Variants in KCND2 observed in about 807,000 individuals in gnomAD.
KCND2 encodes potassium voltage-gated channel subfamily D member 2, also known as A-type voltage-gated potassium channel KCND2.
KCND2 carries 16 observed loss-of-function variants against 54.4 expected under a neutral mutation model. That is an observed-to-expected ratio of 0.29 (90% CI 0.20 to 0.45). KCND2 has a LOEUF of 0.45. Ranked by LOEUF, KCND2 falls within the 20% of genes least tolerant of loss-of-function variation. The pLI, the probability that KCND2 is intolerant of heterozygous loss-of-function variation, is 1.00. For synonymous variants in KCND2, 317 were observed against 310.7 expected, an observed-to-expected ratio of 1.02 and a Z score of -0.21; for missense variants, 486 against 824.2, an observed-to-expected ratio of 0.59 and a Z score of 5.02.
intron 1 of KCND2, among the ~76,000 whole-genome samples, chr7:120,646,577 A>G (rs1793444936): frequency 6.6e-6 from 1 of 152,252 alleles, no homozygotes. Flanking sequence ...ACATGCAGTG[A>G]AAAGGTTTTT....
chr7:120,641,798 A>C (rs1239637677), intron 1 of KCND2, among the ~76,000 whole-genome samples: 18 of 138,596 alleles, frequency 1.3e-4, no homozygotes, highest in Non-Finnish European at 2.5e-4. Context: ...AAATCCAATT[A>C]TAAAAAATTT....
intron 1 of KCND2, among the ~76,000 whole-genome samples, chr7:120,434,512 A>G (rs1208268705): frequency 6.6e-6 from 1 of 152,222 alleles, no homozygotes; most frequent in Non-Finnish European, 1.5e-5. Context: ...CTATGTTTCT[A>G]GAAAAGCCAA....
chr7:120,707,178 A>C (rs1253009478), intron 1 of KCND2, among the ~76,000 whole-genome samples: 1 of 152,172 alleles, frequency 6.6e-6, no homozygotes, highest in Non-Finnish European at 1.5e-5. Flanking sequence ...ACCAGTTTAC[A>C]AATATGATGT....
At chr7:120,281,306 G>C (rs569722868) in intron 1 of KCND2, among the ~76,000 whole-genome samples, 1 of 151,500 alleles carries the variant, frequency 6.6e-6, no homozygotes, top group Non-Finnish European at 1.5e-5. Flanking sequence ...TGTTTTCTAA[G>C]CAGGGATACA....
At chr7:120,387,684 G>A (rs1264166971) in intron 1 of KCND2, among the ~76,000 whole-genome samples, 1 of 151,880 alleles carries the variant, frequency 6.6e-6, no homozygotes, top group African/African-American at 2.4e-5. Flanking sequence ...GCAGAATGTT[G>A]GACTAAATGG....
intron 1 of KCND2, among the ~76,000 whole-genome samples, chr7:120,303,444 C>G (rs942304985): frequency 6.6e-6 from 1 of 152,138 alleles, no homozygotes; most frequent in African/African-American, 2.4e-5. Context: ...TCATTAAATA[C>G]CTGTCTTTGA....
intron 1 of KCND2, among the ~76,000 whole-genome samples, chr7:120,335,884 A>G (rs1307190164): frequency 1.3e-5 from 2 of 152,238 alleles, no homozygotes; most frequent in South Asian, 2.1e-4. Context: ...TTTTTACACT[A>G]GAAACACAGA....
intron 1 of KCND2, among the ~76,000 whole-genome samples, chr7:120,688,467 G>A (rs1792231116): frequency 1.3e-5 from 2 of 152,106 alleles, no homozygotes; most frequent in South Asian, 2.1e-4. Flanking sequence ...ACAGAAACAC[G>A]AGAAGGACCA....
At chr7:120,667,676 G>A (rs568517542) in intron 1 of KCND2, among the ~76,000 whole-genome samples, 3 of 151,990 alleles carry the variant, frequency 2.0e-5, no homozygotes, top group African/African-American at 7.2e-5. Context: ...TAGCTTAGAG[G>A]CATTAGAGTT....
chr7:120,353,762 A>G (rs1800450815), intron 1 of KCND2, among the ~76,000 whole-genome samples: 1 of 152,162 alleles, frequency 6.6e-6, no homozygotes, highest in South Asian at 2.1e-4. Flanking sequence ...AACTATTTAA[A>G]TAATATTCTA....
In KCND2 at chr7:120,317,411, C is replaced by A. The variant is rs73722563; in HGVS notation, c.1115+41664C>A. On this transcript the variant is annotated intron_variant, in intron 1 of 5. Coordinates refer to ENST00000331113, the MANE Select transcript of KCND2 (RefSeq NM_012281.3). Reference sequence around the variant, plus strand: ...TATATGTATCATACCTAACTCATGTCAATTGTGTCTTTAATTATTAATTGT... The same window carrying A: ...TATATGTATCATACCTAACTCATGTAAATTGTGTCTTTAATTATTAATTGT... Among the ~76,000 whole-genome samples the A allele has an allele frequency of 4.5e-3, 684 of 152,152 alleles. 7 individuals are homozygous for A. Among genetic ancestry groups the A allele is most frequent in the African/African-American group, 0.016 (649 of 41,508 alleles).
intron 1 of KCND2, among the ~76,000 whole-genome samples, chr7:120,331,510 TGA>T (rs1195338377): frequency 6.6e-6 from 1 of 150,940 alleles, no homozygotes; most frequent in Non-Finnish European, 1.5e-5. Flanking sequence ...AGACAAAGAG[TGA>T]GAGAGAGAGA....
At chr7:120,646,111 G>A (rs747241497) in intron 1 of KCND2, among the ~76,000 whole-genome samples, 1 of 152,136 alleles carries the variant, frequency 6.6e-6, no homozygotes, top group Non-Finnish European at 1.5e-5. Flanking sequence ...GAATTATTTT[G>A]CAATCCTGAC....
At position 120,432,224 on chromosome 7, in the gene KCND2, C is replaced by T. The variant is rs182602990; in HGVS notation, c.1115+156477C>T. 9.9e-5 allele frequency among the ~76,000 whole-genome samples: 15 copies of T among 152,258 alleles called. No individual in the cohort carries two copies. In the East Asian group the frequency reaches 2.7e-3, roughly 27 times the overall value. On this transcript the variant is annotated intron_variant, in intron 1 of 5. Coordinates refer to ENST00000331113, the MANE Select transcript of KCND2 (RefSeq NM_012281.3). ...CATTACTATATCCATCCTGGTCACT[C>T]CCCTCAAGACATATTCTAGTGTACT...
chr7:120,349,536 G>A (rs1166105127), intron 1 of KCND2, among the ~76,000 whole-genome samples: 3 of 152,142 alleles, frequency 2.0e-5, no homozygotes, highest in Admixed American at 1.3e-4. Flanking sequence ...TTCAATTTTG[G>A]AATTTTTTTT....
chr7:120,683,441 T>C lies in KCND2; in HGVS notation c.1116-49462T>C, dbSNP rs143920079. Reference sequence around the variant, plus strand: ...TATCTTCTGCAAAAAGAAACCACAATAGAAGCACTAATTTGAAAGATGCTG... The same window carrying C: ...TATCTTCTGCAAAAAGAAACCACAACAGAAGCACTAATTTGAAAGATGCTG... On this transcript the variant is annotated intron_variant, in intron 1 of 5. Transcript: ENST00000331113. Among the ~76,000 whole-genome samples the C allele has an allele frequency of 2.0e-3, 305 of 152,190 alleles. 2 individuals are homozygous for C. Among genetic ancestry groups the C allele is most frequent in the African/African-American group, 6.5e-3 (272 of 41,550 alleles).
intron 1 of KCND2, among the ~76,000 whole-genome samples, chr7:120,646,435 T>C (rs950910965): frequency 1.3e-5 from 2 of 152,238 alleles, no homozygotes. Context: ...ATTTTATTGA[T>C]TATCATTTAT....
At chr7:120,627,373 T>C (rs1035877439) in intron 1 of KCND2, among the ~76,000 whole-genome samples, 1 of 151,772 alleles carries the variant, frequency 6.6e-6, no homozygotes, top group Non-Finnish European at 1.5e-5. Flanking sequence ...ATATAAGGAG[T>C]GTTTATTCCT....
chr7:120,495,307 A>G (rs1802833654), intron 1 of KCND2, among the ~76,000 whole-genome samples: 5 of 151,608 alleles, frequency 3.3e-5, no homozygotes, highest in Admixed American at 3.3e-4. Flanking sequence ...TTAGAAACAC[A>G]CTGTTGGATA....
Sources: gnomAD v4.1 joint callset for allele counts (sites outside exome capture counted in the v4.1 genomes callset) on GRCh38, gnomAD v4.1.1 for gene constraint, MANE v1.5 for transcripts, NCBI Gene and HGNC (gene_info 2026-07-23, HGNC 2026-07-21) for gene names.